The following ZNF605 variants were observed in gnomAD, a reference collection of about 807,000 sequenced individuals.
The protein encoded by ZNF605 is zinc finger protein 605.
ZNF605 carries 9 observed loss-of-function variants against 7.9 expected under a neutral mutation model. The ratio of observed to expected loss-of-function variants is 1.14; its 90% CI spans 0.68 to 1.98. ZNF605 has a LOEUF of 1.98. Ranked by LOEUF, ZNF605 falls within the 30% of genes most tolerant of loss-of-function variation. The pLI is 0.00. For synonymous variants in ZNF605, 255 were observed against 260.1 expected (o/e 0.98, Z 0.19); for missense variants, 673 against 762.4 (o/e 0.88, Z 1.38).
chr12:132,955,146 G>A (rs1382956139), intron 1 of ZNF605, among the ~76,000 whole-genome samples: 1 of 152,152 alleles, frequency 6.6e-6, no homozygotes, highest in South Asian at 2.1e-4. Flanking sequence ...GAAGGAGAAC[G>A]GGCTTCTGGG....
chr12:132,947,096 T>A (rs1174038238), intron 2 of ZNF605, among the ~76,000 whole-genome samples: 5 of 151,802 alleles, frequency 3.3e-5, no homozygotes, highest in African/African-American at 1.2e-4. Context: ...TACTGCAACC[T>A]CCGCCTCCTG....
In ZNF605 at chr12:132,926,615, G is replaced by C. The variant is rs1447333093; in HGVS notation, c.684C>G (p.Ser228Arg). The change falls in exon 5 of 5, where the codon AGC (serine) becomes AGG (arginine). Residue 228 changes from serine to arginine, a missense_variant. Coordinates refer to ENST00000360187, the MANE Select transcript of ZNF605 (RefSeq NM_183238.4). Reference protein sequence around the residue: ...THSGEKPHGCSECQKAFSRKS... With the variant: ...THSGEKPHGCRECQKAFSRKS... ...TCCTACTAAAAGCTTTCTGACATTC[G>C]CTGCACCCATGCGGTTTTTCTCCTG... The C allele has an allele frequency of 1.9e-6, 3 of 1,613,882 alleles. No individual in the cohort carries two copies. Among genetic ancestry groups the C allele is most frequent in the East Asian group, 2.2e-5 (1 of 44,884 alleles).
At chr12:132,953,035 T>C (rs1209499705) in intron 1 of ZNF605, among the ~76,000 whole-genome samples, 1 of 150,882 alleles carries the variant, frequency 6.6e-6, no homozygotes, top group East Asian at 2.0e-4. Flanking sequence ...GCATCCCAAG[T>C]CCCCCAGTCA....
intron 2 of ZNF605, among the ~76,000 whole-genome samples, chr12:132,946,878 C>T (rs1204063720): frequency 2.0e-5 from 3 of 152,174 alleles, no homozygotes; most frequent in African/African-American, 7.2e-5. Flanking sequence ...CTCCAGACCA[C>T]GTGGGGGAGC....
At position 132,933,420 on chromosome 12, in the gene ZNF605, C is replaced by T. The variant is rs1176046856; in HGVS notation, c.16-265G>A. The stretch of plus-strand genomic sequence containing the variant: ...GCAACTTCTATCCTGGGCACTCTCT[C>T]TCTCTGGAGGAGTCTGGCTGCTGTG... On this transcript the variant is annotated intron_variant, in intron 3 of 4. Transcript: ENST00000360187. This position sits in a 1 kb window ranked among gnomAD's most constrained non-coding sequence, Gnocchi z 4.4. Among the ~76,000 whole-genome samples the T allele has an allele frequency of 6.6e-6, 1 of 152,228 alleles. No homozygotes were observed. The highest frequency in any genetic ancestry group is 1.5e-5 in the Non-Finnish European group (1 of 68,042).
rs773992338 is a variant in ZNF605 at position 132,923,780 on chromosome 12, T to C, written c.*1593A>G. Reference sequence around the variant, plus strand: ...CATTATTTATTCAAATACTTCTTCATGCCTCTTCATTTTCTCCTCTCCTTC... The same window carrying C: ...CATTATTTATTCAAATACTTCTTCACGCCTCTTCATTTTCTCCTCTCCTTC... On this transcript the variant is annotated 3_prime_UTR_variant, in exon 5 of 5. Transcript: ENST00000360187. 1 of 152,200 alleles carries C rather than the reference T, an allele frequency of 6.6e-6. No homozygotes were observed. The highest frequency in any genetic ancestry group is 2.1e-4 in the South Asian group (1 of 4,828). The allele number at this position is 152,200 out of a possible 1,614,324, so 9.4% of individuals were successfully genotyped here.
chr12:132,950,551 A>G (rs1425763933), intron 1 of ZNF605, among the ~76,000 whole-genome samples: 1 of 151,260 alleles, frequency 6.6e-6, no homozygotes, highest in Non-Finnish European at 1.5e-5. Context: ...AGACACACTA[A>G]TACACCCGTA....
chr12:132,953,519 T>C (rs11147176), intron 1 of ZNF605, among the ~76,000 whole-genome samples: 26,224 of 152,170 alleles, frequency 0.17, 2,535 homozygotes, highest in South Asian at 0.22. Flanking sequence ...CTCTGCCTCC[T>C]GGGTTCAAGC....
chr12:132,943,094 G>A (rs1400432217), intron 3 of ZNF605, among the ~76,000 whole-genome samples: 1 of 152,112 alleles, frequency 6.6e-6, no homozygotes, highest in Non-Finnish European at 1.5e-5. Context: ...CGGGCACGGT[G>A]GCTCACGTCT....
chr12:132,936,335 A>G (rs949062170), intron 3 of ZNF605, among the ~76,000 whole-genome samples: 3 of 152,166 alleles, frequency 2.0e-5, no homozygotes, highest in Admixed American at 1.3e-4. Flanking sequence ...AGAATAAGTG[A>G]ATTGGAAGAT....
chr12:132,950,780 A>G lies in ZNF605; in HGVS notation c.-285-2510T>C, dbSNP rs867831598. 5.2e-3 allele frequency among the ~76,000 whole-genome samples: 788 copies of G among 152,190 alleles called. 10 individuals carry two copies. The highest frequency in any genetic ancestry group is 0.018 in the African/African-American group (763 of 41,498). On this transcript the variant is annotated intron_variant, in intron 1 of 4. Transcript: ENST00000360187. The stretch of plus-strand genomic sequence containing the variant: ...TAACACACGTACATCACAGACATGT[A>G]CACACAGACACACTGATACATCATA...
At position 132,945,724 on chromosome 12, in the gene ZNF605, G is replaced by C. The variant is rs1952488296; in HGVS notation, c.-89C>G. ...GCCTCTGGTCAGTGGTCTGTAAACTGAGAATACATCCTTGGTCTTGTGGGC... is the reference window on the plus strand; with the variant it reads ...GCCTCTGGTCAGTGGTCTGTAAACTCAGAATACATCCTTGGTCTTGTGGGC... On this transcript the variant is annotated 5_prime_UTR_variant, in exon 3 of 5. Coordinates refer to ENST00000360187, the MANE Select transcript of ZNF605 (RefSeq NM_183238.4). 1 of 1,577,114 alleles carries C rather than the reference G, an allele frequency of 6.3e-7. No individual in the cohort carries two copies. Among genetic ancestry groups the C allele is most frequent in the African/African-American group, 1.3e-5 (1 of 74,252 alleles).
intron 1 of ZNF605, among the ~76,000 whole-genome samples, chr12:132,950,756 AAC>A (rs1291798643): frequency 6.6e-6 from 1 of 150,674 alleles, no homozygotes; most frequent in East Asian, 2.1e-4. Flanking sequence ...ACATACTGAT[AAC>A]ACACGTACAT....
chr12:132,926,231 C>T lies in ZNF605; in HGVS notation c.1068G>A (p.Gln356=). The T allele has an allele frequency of 6.2e-7, 1 of 1,614,176 alleles. No individual in the cohort carries two copies. The highest frequency in any genetic ancestry group is 8.5e-7 in the Non-Finnish European group (1 of 1,180,026). The change falls in exon 5 of 5, where the codon CAG becomes CAA. Residue 356 remains glutamine, a synonymous_variant. Transcript: ENST00000360187. ...FSRNSLLIRH[Q]RIHTGEKPYE... The stretch of plus-strand genomic sequence containing the variant: ...AGGGCTTCTCTCCTGTATGAATCCT[C>T]TGATGCCTAATGAGAAGTGAGTTCC...
chr12:132,941,702 C>T lies in ZNF605; in HGVS notation c.15+3919G>A, dbSNP rs1054469951. On this transcript the variant is annotated intron_variant, in intron 3 of 4. Coordinates refer to ENST00000360187, the MANE Select transcript of ZNF605 (RefSeq NM_183238.4). The surrounding 1 kb of genome is among the most constrained non-coding windows in gnomAD (Gnocchi z 5.1). ...CAAGCGACCTCAGGCCTCACGCAGC[C>T]GTTCCCCGCAGGGCACTTCCCACGG... Among the ~76,000 whole-genome samples, 40 of 152,332 alleles carry T rather than the reference C, an allele frequency of 2.6e-4. No individual in the cohort carries two copies. The highest frequency in any genetic ancestry group is 9.6e-4 in the African/African-American group (40 of 41,596).
intron 4 of ZNF605, chr12:132,932,790 T>C: frequency 6.5e-7 from 1 of 1,536,204 alleles, no homozygotes; most frequent in South Asian, 1.2e-5. Flanking sequence ...TGCATCAGGT[T>C]TGAGAATTTG....
At position 132,951,475 on chromosome 12, in the gene ZNF605, G is replaced by A. The variant is rs1042466328; in HGVS notation, c.-285-3205C>T. 3.2e-4 allele frequency among the ~76,000 whole-genome samples: 47 copies of A among 146,182 alleles called. 1 individual carries two copies. In the South Asian group the frequency reaches 0.011, roughly 33 times the overall value. ...ATATACACACTCAGACATGCACGCA[G>A]ATTCATACATACATCACATATACAC... On this transcript the variant is annotated intron_variant, in intron 1 of 4. Coordinates refer to ENST00000360187, the MANE Select transcript of ZNF605 (RefSeq NM_183238.4).
At chr12:132,953,213 T>C (rs1369752095) in intron 1 of ZNF605, among the ~76,000 whole-genome samples, 1 of 152,066 alleles carries the variant, frequency 6.6e-6, no homozygotes, top group East Asian at 1.9e-4. Flanking sequence ...AGGACCACAA[T>C]GGCTGACTTC....
At chr12:132,945,297 G>T in intron 3 of ZNF605, 5 of 890,426 alleles carry the variant, frequency 5.6e-6, no homozygotes, top group Non-Finnish European at 7.4e-6. Flanking sequence ...TCTACTTTGT[G>T]CTTCTTTGGA....
Sources: gnomAD v4.1 joint callset for allele counts (sites outside exome capture counted in the v4.1 genomes callset) on GRCh38, gnomAD v4.1.1 for gene constraint, Gnocchi (gnomAD v3.1) non-coding constraint, MANE v1.5 for transcripts, NCBI Gene and HGNC (gene_info 2026-07-23, HGNC 2026-07-21) for gene names.